Variants in WDR72 observed in about 807,000 individuals in gnomAD.
WDR72 encodes the protein WD repeat-containing protein 72.
Under a neutral mutation model 124.2 loss-of-function variants are expected in WDR72, and 120 were observed. That is an observed-to-expected ratio of 0.97 (90% CI 0.83 to 1.12). WDR72 has a LOEUF of 1.12. Ranked by LOEUF, WDR72 falls within the 50% of genes most tolerant of loss-of-function variation. The probability of loss-of-function intolerance (pLI) is 0.00; values close to 1 mark genes in which losing one functional copy is unlikely to be tolerated. For synonymous variants in WDR72, 452 were observed against 441.7 expected (o/e 1.02, Z -0.29); for missense variants, 1,387 against 1,278.8 (o/e 1.08, Z -1.29).
intron 17 of WDR72, among the ~76,000 whole-genome samples, chr15:53,606,235 T>C (rs1362967236): frequency 1.3e-5 from 2 of 152,210 alleles, no homozygotes; most frequent in Non-Finnish European, 2.9e-5. Context: ...AGAAATGTTC[T>C]GCTGAATCCT....
rs565354487 is a variant in WDR72 at position 53,714,349 on chromosome 15, A to G, written c.591+85T>C. The G allele has an allele frequency of 8.3e-6, 9 of 1,078,084 alleles. No homozygotes were observed. The South Asian group carries it at 1.1e-4, about 13-fold the overall frequency. The allele number at this position is 1,078,084 out of a possible 1,614,324, so 66.8% of individuals were successfully genotyped here. ...CTATGTTATTTGAACTTTTGACAAT[A>G]AACATGTAATAGCCTTAAAATTTAT... On this transcript the variant is annotated intron_variant, in intron 6 of 19. Transcript: ENST00000360509.
intron 18 of WDR72, among the ~76,000 whole-genome samples, chr15:53,557,842 G>A (rs573435768): frequency 5.9e-5 from 9 of 151,990 alleles, no homozygotes; most frequent in Non-Finnish European, 1.2e-4. Context: ...TTATTACTAG[G>A]TTTTAGAAAA....
At chr15:53,736,524 G>A (rs2018359150) in intron 1 of WDR72, among the ~76,000 whole-genome samples, 1 of 152,180 alleles carries the variant, frequency 6.6e-6, no homozygotes, top group African/African-American at 2.4e-5. Flanking sequence ...CTGCTGTGAG[G>A]GGCCAGAGCT....
chr15:53,568,635 T>C (rs565092961), intron 18 of WDR72, among the ~76,000 whole-genome samples: 2 of 152,148 alleles, frequency 1.3e-5, no homozygotes, highest in African/African-American at 4.8e-5. Flanking sequence ...TTATTTTTTT[T>C]GAAGTAAAAC....
chr15:53,726,285 TAC>T (rs143084949), intron 2 of WDR72, among the ~76,000 whole-genome samples: 15,840 of 115,202 alleles, frequency 0.14, 1,265 homozygotes, highest in Non-Finnish European at 0.16. Context: ...TATATATATA[TAC>T]ACACACACAC....
intron 15 of WDR72, among the ~76,000 whole-genome samples, chr15:53,614,292 T>C (rs897426298): frequency 2.0e-5 from 3 of 152,084 alleles, no homozygotes; most frequent in Admixed American, 1.3e-4. Context: ...CACACAAGGA[T>C]TTCTCAACCT....
intron 13 of WDR72, among the ~76,000 whole-genome samples, chr15:53,672,442 C>T (rs192210853): frequency 6.6e-6 from 1 of 152,100 alleles, no homozygotes; most frequent in Non-Finnish European, 1.5e-5. Context: ...CAGTATGTTG[C>T]TAAAATACAG....
upstream of WDR72, among the ~76,000 whole-genome samples, chr15:53,760,049 A>C (rs1220869384): frequency 2.0e-5 from 3 of 149,178 alleles, no homozygotes; most frequent in African/African-American, 7.4e-5. Context: ...TTTTGGGGAT[A>C]CACAGTAGGT....
chr15:53,615,908 A>C lies in WDR72; in HGVS notation c.2298T>G (p.Ile766Met), dbSNP rs762919554. The C allele has an allele frequency of 6.2e-7, 1 of 1,613,502 alleles. No homozygotes were observed. The highest frequency in any genetic ancestry group is 1.1e-5 in the South Asian group (1 of 91,080). The change falls in exon 15 of 20, where the codon ATT (isoleucine) becomes ATG (methionine). Residue 766 changes from isoleucine (I) to methionine (M), a missense_variant. Coordinates refer to ENST00000360509, the MANE Select transcript of WDR72 (RefSeq NM_182758.4). The part of the protein sequence containing the change: ...TIKFSEENDG[I>M]KRQKKMKISK... ...AGATCTTCATTTTCTTCTGCCTTTTAATGCCATCATTTTCTTCTGAGAATT... is the reference window on the plus strand; with the variant it reads ...AGATCTTCATTTTCTTCTGCCTTTTCATGCCATCATTTTCTTCTGAGAATT...
intron 14 of WDR72, among the ~76,000 whole-genome samples, chr15:53,639,509 T>TAC (rs2014757007): frequency 6.8e-6 from 1 of 146,170 alleles, no homozygotes; most frequent in African/African-American, 2.5e-5. Context: ...TATAAAATTA[T>TAC]ATATAATTTT....
At chr15:53,644,943 T>C (rs117433756) in intron 14 of WDR72, among the ~76,000 whole-genome samples, 2,049 of 152,200 alleles carry the variant, frequency 0.013, 37 homozygotes, top group East Asian at 0.07. Flanking sequence ...TTCAGCTAAG[T>C]GTTAGAGTAC....
At chr15:53,683,477 C>A (rs1477505615) in intron 13 of WDR72, among the ~76,000 whole-genome samples, 1 of 151,940 alleles carries the variant, frequency 6.6e-6, no homozygotes, top group Non-Finnish European at 1.5e-5. Context: ...CTTATGTATC[C>A]ATACAAAATT....
intron 14 of WDR72, among the ~76,000 whole-genome samples, chr15:53,619,726 C>T (rs998730046): frequency 6.6e-6 from 1 of 151,990 alleles, no homozygotes; most frequent in East Asian, 1.9e-4. Context: ...GCTAAACGTA[C>T]CCGAGGATTA....
chr15:53,647,215 C>A (rs1478570532), intron 14 of WDR72, among the ~76,000 whole-genome samples: 1 of 152,014 alleles, frequency 6.6e-6, no homozygotes, highest in Admixed American at 6.6e-5. Context: ...AACTCAGACA[C>A]CAAATTCTGA....
intron 18 of WDR72, among the ~76,000 whole-genome samples, chr15:53,558,261 A>T (rs1410701844): frequency 6.6e-6 from 1 of 152,052 alleles, no homozygotes; most frequent in Non-Finnish European, 1.5e-5. Context: ...AACATTAAAA[A>T]CATTATCCAT....
At chr15:53,657,286 A>AAAAAG (rs1567009339) in intron 14 of WDR72, among the ~76,000 whole-genome samples, 1 of 150,426 alleles carries the variant, frequency 6.6e-6, no homozygotes, top group African/African-American at 2.4e-5. Context: ...AAAAAAAAAA[A>AAAAAG]AAAGAAAGAA....
intron 13 of WDR72, among the ~76,000 whole-genome samples, chr15:53,685,055 A>G (rs918342910): frequency 6.6e-6 from 1 of 152,116 alleles, no homozygotes; most frequent in Non-Finnish European, 1.5e-5. Flanking sequence ...CCAAAAACCC[A>G]TCTGTACATC....
chr15:53,701,536 G>GTCTCTCTCTCTCTCTCTCTC (rs370281315), intron 12 of WDR72, among the ~76,000 whole-genome samples: 179 of 101,462 alleles, frequency 1.8e-3, no homozygotes, highest in African/African-American at 6.0e-3. Flanking sequence ...GTGAGACCCT[G>GTCTCTCTCTCTCTCTCTCTC]TCTCTCTCTC....
At chr15:53,708,307 G>C (rs1034603893) in intron 9 of WDR72, among the ~76,000 whole-genome samples, 2 of 152,150 alleles carry the variant, frequency 1.3e-5, no homozygotes, top group African/African-American at 2.4e-5. Flanking sequence ...GAAAGAGCAA[G>C]TTGGTTACTG....
Sources: gnomAD v4.1 joint callset for allele counts (sites outside exome capture counted in the v4.1 genomes callset) on GRCh38, gnomAD v4.1.1 for gene constraint, MANE v1.5 for transcripts, NCBI Gene and HGNC (gene_info 2026-07-23, HGNC 2026-07-21) for gene names.